The following TMEM17 variants were observed in gnomAD, a reference collection of about 807,000 sequenced individuals.
TMEM17 encodes the protein transmembrane protein 17.
Under a neutral mutation model 19.1 loss-of-function variants are expected in TMEM17, and 15 were observed. The ratio of observed to expected loss-of-function variants is 0.78; its 90% CI spans 0.52 to 1.21. The LOEUF (loss-of-function observed/expected upper bound fraction) is 1.21, where lower values mean the gene tolerates loss of function less well. Ranked by LOEUF, TMEM17 falls within the 50% of genes most tolerant of loss-of-function variation. TMEM17 has a pLI of 0.00. For missense variants in TMEM17, 245 were observed against 242.3 expected (o/e 1.01, Z -0.07); for synonymous variants, 103 against 86.9 (o/e 1.19, Z -1.03).
At chr2:62,470,199 T>C in the TMEM17 span, among the ~76,000 whole-genome samples, 1 of 152,208 alleles carries the variant, frequency 6.6e-6, no homozygotes, top group Non-Finnish European at 1.5e-5. Context: ...GCACCTTTCC[T>C]CTGTATTATG....
At position 62,506,014 on chromosome 2, in the gene TMEM17, G is replaced by A; in HGVS notation, c.100+16C>T. 3 of 1,601,230 alleles carry A rather than the reference G, an allele frequency of 1.9e-6. No homozygotes were observed. Among genetic ancestry groups the A allele is most frequent in the South Asian group, 1.1e-5 (1 of 89,018 alleles). On this transcript the variant is annotated intron_variant, in intron 1 of 3. Coordinates refer to ENST00000335390, the MANE Select transcript of TMEM17 (RefSeq NM_198276.3). ...TCGGCAGGCCACACCCCCTGCACCG[G>A]GCCTCGGTCACTCACCCGGACCCTC...
chr2:62,475,277 C>T, the TMEM17 span, among the ~76,000 whole-genome samples: 1 of 152,232 alleles, frequency 6.6e-6, no homozygotes, highest in Non-Finnish European at 1.5e-5. Flanking sequence ...CTCTGAGCCG[C>T]ACCACAGGCA....
At chr2:62,485,609 T>C in the TMEM17 span, among the ~76,000 whole-genome samples, 1 of 152,228 alleles carries the variant, frequency 6.6e-6, no homozygotes, top group Non-Finnish European at 1.5e-5. Context: ...GCTTTTAATA[T>C]AAGATACAGG....
downstream of TMEM17, among the ~76,000 whole-genome samples, chr2:62,498,716 AAAAAT>A (rs202244559): frequency 2.0e-3 from 241 of 120,206 alleles, 6 homozygotes; most frequent in East Asian, 0.022. Flanking sequence ...ACTCCGTCTC[AAAAAT>A]AAAATAAAAT....
chr2:62,478,516 A>G, the TMEM17 span, among the ~76,000 whole-genome samples: 2 of 152,078 alleles, frequency 1.3e-5, no homozygotes, highest in East Asian at 3.9e-4. Flanking sequence ...GGACACCCTC[A>G]CTCCTTAAAT....
the TMEM17 span, among the ~76,000 whole-genome samples, chr2:62,477,382 G>C: frequency 5.4e-5 from 7 of 129,320 alleles, no homozygotes; most frequent in African/African-American, 2.1e-4. Context: ...GGGCGACAGA[G>C]CGAGACTCCG....
In TMEM17 at chr2:62,502,455, C is replaced by T; in HGVS notation, c.300G>A (p.Val100=). 1 of 1,609,014 alleles carries T rather than the reference C, an allele frequency of 6.2e-7. No individual in the cohort carries two copies. The highest frequency in any genetic ancestry group is 8.5e-7 in the Non-Finnish European group (1 of 1,175,690). Residue 100 remains valine, a synonymous_variant, in exon 3 of 4, where the codon GTG becomes GTA. Coordinates refer to ENST00000335390, the MANE Select transcript of TMEM17 (RefSeq NM_198276.3). ...IEAIRLYLGY[V]GNLQEKVPEL... is the part of the protein sequence containing the mutation. ...AGCTTACCTTCTCCTGTAGGTTACC[C>T]ACGTAGCCCAGATACAACCGGATGG...
chr2:62,485,942 ATGTTTAATTTTAAAAACT>A, the TMEM17 span, among the ~76,000 whole-genome samples: 1 of 152,196 alleles, frequency 6.6e-6, no homozygotes, highest in African/African-American at 2.4e-5. Flanking sequence ...TACAAAGTGA[ATGTTTAATTTTAAAAACT>A]GTGCTTTTTT....
downstream of TMEM17, among the ~76,000 whole-genome samples, chr2:62,498,234 A>T (rs1235570271): frequency 6.6e-6 from 1 of 151,720 alleles, no homozygotes; most frequent in Non-Finnish European, 1.5e-5. Flanking sequence ...AAAATACAAA[A>T]AAATTAGCCA....
the TMEM17 span, among the ~76,000 whole-genome samples, chr2:62,460,830 G>A: frequency 6.6e-6 from 1 of 152,126 alleles, no homozygotes; most frequent in Non-Finnish European, 1.5e-5. Flanking sequence ...TGCTATTTTC[G>A]ATTTGATGAA....
At chr2:62,479,906 A>C in the TMEM17 span, among the ~76,000 whole-genome samples, 8,848 of 150,792 alleles carry the variant, frequency 0.059, 587 homozygotes, top group African/African-American at 0.16. Flanking sequence ...AAAAAAAAAA[A>C]AAAAAAAGAT....
At chr2:62,498,856 T>C (rs569256715), downstream of TMEM17, among the ~76,000 whole-genome samples, 79 of 152,270 alleles carry the variant, frequency 5.2e-4, no homozygotes, top group African/African-American at 1.6e-3. Flanking sequence ...TAGAAGGATA[T>C]AATATAAATT....
At chr2:62,503,515 T>C (rs1679987710) in intron 1 of TMEM17, among the ~76,000 whole-genome samples, 1 of 152,258 alleles carries the variant, frequency 6.6e-6, no homozygotes, top group Non-Finnish European at 1.5e-5. Context: ...GATGTCAGAC[T>C]TGACATGAAT....
At chr2:62,468,299 C>T in the TMEM17 span, among the ~76,000 whole-genome samples, 619 of 152,286 alleles carry the variant, frequency 4.1e-3, 7 homozygotes, top group African/African-American at 0.015. Flanking sequence ...CTCAGGAGAG[C>T]TGGGGGCAGG....
rs1184822003 is a variant in TMEM17, at chr2:62,502,782, AC to A, written c.112del (p.Val38SerfsTer22). ...ESNEGPENEMVSSLALQMSLY... is the reference protein window; with the variant it reads ...ESNEGPENEMXSSLALQMSLY... ...TGACATCTGCAGTGCCAAACTGGAG[AC>A]CATTTCATTTTCTACAGAAGGAACA... On this transcript the variant is annotated frameshift_variant, in exon 2 of 4. Transcript: ENST00000335390. LOFTEE classifies it high-confidence loss of function. The A allele has an allele frequency of 6.2e-7, 1 of 1,600,396 alleles. No homozygotes were observed. The highest frequency in any genetic ancestry group is 1.3e-5 in the African/African-American group (1 of 74,238).
At chr2:62,464,509 G>A in the TMEM17 span, among the ~76,000 whole-genome samples, 57 of 152,302 alleles carry the variant, frequency 3.7e-4, 2 homozygotes, top group East Asian at 0.011. Context: ...ATGACATACC[G>A]AGAAAGACAA....
the TMEM17 span, among the ~76,000 whole-genome samples, chr2:62,487,815 C>G: frequency 2.0e-5 from 3 of 152,210 alleles, no homozygotes; most frequent in Non-Finnish European, 2.9e-5. Flanking sequence ...CTGCCTCAGC[C>G]TCTGAATAGC....
At chr2:62,480,319 C>T in the TMEM17 span, among the ~76,000 whole-genome samples, 1 of 151,844 alleles carries the variant, frequency 6.6e-6, no homozygotes, top group African/African-American at 2.4e-5. Context: ...GATATTACTT[C>T]TCCTCCATTG....
the TMEM17 span, among the ~76,000 whole-genome samples, chr2:62,472,353 A>G: frequency 6.6e-6 from 1 of 152,164 alleles, no homozygotes; most frequent in Non-Finnish European, 1.5e-5. Flanking sequence ...TGGAATGAGA[A>G]GCCCTTCATG....
Sources: allele counts gnomAD v4.1 joint callset (sites outside exome capture counted in the v4.1 genomes callset), GRCh38; gene constraint gnomAD v4.1.1; transcripts MANE v1.5; gene names NCBI Gene and HGNC (gene_info 2026-07-23, HGNC 2026-07-21).